The following SH3GL2 variants were observed in gnomAD, a reference collection of about 807,000 sequenced individuals.
The protein encoded by SH3GL2 is endophilin-A1.
In SH3GL2, 24 loss-of-function variants were observed where a neutral mutation model predicts 46.0. That is an observed-to-expected ratio of 0.52 (90% confidence interval 0.38 to 0.73). The LOEUF (loss-of-function observed/expected upper bound fraction) is 0.73. Ranked by LOEUF, SH3GL2 falls within the 30% of genes least tolerant of loss-of-function variation. The pLI is 0.00. For missense variants in SH3GL2, 413 were observed against 424.2 expected (o/e 0.97, Z 0.23); for synonymous variants, 196 against 147.1 (o/e 1.33, Z -2.40).
intron 1 of SH3GL2, among the ~76,000 whole-genome samples, chr9:17,633,402 G>C (rs1220160531): frequency 6.6e-6 from 1 of 152,126 alleles, no homozygotes; most frequent in Non-Finnish European, 1.5e-5. Context: ...GTAAAAGCAT[G>C]GGTAACTGCT....
chr9:17,705,944 A>C (rs975042037), intron 1 of SH3GL2, among the ~76,000 whole-genome samples: 1 of 152,024 alleles, frequency 6.6e-6, no homozygotes, highest in Non-Finnish European at 1.5e-5. Context: ...CATAGTGCTA[A>C]AATAAAAATG....
At position 17,615,129 on chromosome 9, in the gene SH3GL2, C is replaced by CG. The variant is rs773200159; in HGVS notation, c.45+35844dup. ...GGTGTTAAGTTACTGGTAGGACCCA[C>CG]GGCTGTGTGTTTATTGCACAATTTG... On this transcript the variant is annotated intron_variant, in intron 1 of 8. Coordinates refer to ENST00000380607, the MANE Select transcript of SH3GL2 (RefSeq NM_003026.5). 7.8e-4 allele frequency among the ~76,000 whole-genome samples: 119 copies of CG among 152,252 alleles called. 1 individual carries two copies. Among genetic ancestry groups the CG allele is most frequent in the Non-Finnish European group, 1.3e-3 (88 of 68,012 alleles).
At chr9:17,657,478 G>A (rs1280058099) in intron 1 of SH3GL2, among the ~76,000 whole-genome samples, 1 of 152,084 alleles carries the variant, frequency 6.6e-6, no homozygotes, top group Non-Finnish European at 1.5e-5. Flanking sequence ...TGAGGTTGAC[G>A]GATTTTGGTG....
intron 1 of SH3GL2, among the ~76,000 whole-genome samples, chr9:17,618,581 CTTTA>C (rs1475340776): frequency 6.6e-6 from 1 of 152,088 alleles, no homozygotes; most frequent in Non-Finnish European, 1.5e-5. Context: ...TATTTATAGT[CTTTA>C]TTTACCTGGT....
chr9:17,735,491 C>T (rs1822306424), intron 1 of SH3GL2, among the ~76,000 whole-genome samples: 1 of 152,020 alleles, frequency 6.6e-6, no homozygotes, highest in Non-Finnish European at 1.5e-5. Context: ...CTTACTTGAA[C>T]TGTGGGGTCC....
intron 3 of SH3GL2, among the ~76,000 whole-genome samples, chr9:17,772,757 G>A (rs925619217): frequency 3.3e-5 from 5 of 152,184 alleles, no homozygotes; most frequent in Non-Finnish European, 5.9e-5. Context: ...ATAGACAACT[G>A]AGTTGCTTTC....
At chr9:17,785,346 C>CCT (rs1161711928) in intron 3 of SH3GL2, among the ~76,000 whole-genome samples, 1 of 152,168 alleles carries the variant, frequency 6.6e-6, no homozygotes, top group Non-Finnish European at 1.5e-5. Context: ...CCATAATTGT[C>CCT]GTGCTCATTG....
chr9:17,766,982 G>A (rs367782142), intron 3 of SH3GL2, among the ~76,000 whole-genome samples: 1 of 152,182 alleles, frequency 6.6e-6, no homozygotes, highest in Non-Finnish European at 1.5e-5. Flanking sequence ...CACTTGAATG[G>A]AATTGTAGAC....
chr9:17,791,401 G>A, intron 7 of SH3GL2, 67 bp downstream of exon 7: 2 of 1,100,402 alleles, frequency 1.8e-6, no homozygotes, highest in South Asian at 2.5e-5. Flanking sequence ...TAAAGAAATG[G>A]AAATCATAGA....
At chr9:17,720,615 G>A (rs981917015) in intron 1 of SH3GL2, among the ~76,000 whole-genome samples, 16 of 152,078 alleles carry the variant, frequency 1.1e-4, no homozygotes, top group African/African-American at 3.6e-4. Flanking sequence ...TTAGGTTACA[G>A]TTCACTACCT....
intron 2 of SH3GL2, among the ~76,000 whole-genome samples, chr9:17,757,527 C>G (rs11789626): frequency 0.05 from 7,653 of 152,248 alleles, 261 homozygotes; most frequent in Non-Finnish European, 0.069. Context: ...TTTAAACAGC[C>G]TTCCCTAATG....
chr9:17,609,539 G>T (rs1414093517), intron 1 of SH3GL2, among the ~76,000 whole-genome samples: 1 of 152,160 alleles, frequency 6.6e-6, no homozygotes, highest in African/African-American at 2.4e-5. Context: ...TAGCCAGTGA[G>T]AAAGTGAGCC....
At chr9:17,735,121 C>G (rs1396993149) in intron 1 of SH3GL2, among the ~76,000 whole-genome samples, 1 of 152,054 alleles carries the variant, frequency 6.6e-6, no homozygotes, top group South Asian at 2.1e-4. Flanking sequence ...TAAGTCTTTT[C>G]TTTCTAAATA....
chr9:17,782,938 T>C (rs562081860), intron 3 of SH3GL2, among the ~76,000 whole-genome samples: 1 of 152,196 alleles, frequency 6.6e-6, no homozygotes, highest in South Asian at 2.1e-4. Flanking sequence ...AACCTCACTT[T>C]GGACCAATTC....
intron 8 of SH3GL2, among the ~76,000 whole-genome samples, chr9:17,794,770 A>G (rs1182469790): frequency 2.6e-5 from 4 of 152,258 alleles, no homozygotes; most frequent in Admixed American, 6.5e-5. Flanking sequence ...GGTGGAGTAC[A>G]TTATTTTTGT....
rs533567998 is a variant in SH3GL2 at position 17,583,712 on chromosome 9, GTTTA to G, written c.45+4429_45+4432del. Among the ~76,000 whole-genome samples the G allele has an allele frequency of 1.4e-3, 208 of 152,166 alleles. 2 individuals carry two copies. Among genetic ancestry groups the G allele is most frequent in the Non-Finnish European group, 2.6e-3 (176 of 67,994 alleles). ...GGTTTTATGATACAGTCTGGTATAT[GTTTA>G]TTTGTCACACTCAGATTCCTTAACT... On this transcript the variant is annotated intron_variant, in intron 1 of 8. Transcript: ENST00000380607.
intron 2 of SH3GL2, among the ~76,000 whole-genome samples, chr9:17,758,216 C>A (rs1227519291): frequency 6.6e-6 from 1 of 152,052 alleles, no homozygotes. Flanking sequence ...CAGAATGCTC[C>A]CCTGGTCTCT....
chr9:17,725,248 C>T (rs1420064128), intron 1 of SH3GL2, among the ~76,000 whole-genome samples: 1 of 152,034 alleles, frequency 6.6e-6, no homozygotes, highest in African/African-American at 2.4e-5. Flanking sequence ...TTCCACATTC[C>T]ACTCGATTTA....
At chr9:17,747,236 T>C in intron 2 of SH3GL2, 102 bp downstream of exon 2, 1 of 660,626 alleles carries the variant, frequency 1.5e-6, no homozygotes, top group Non-Finnish European at 2.7e-6. Flanking sequence ...TCCACTGGTC[T>C]CTGAGAATAC....
Sources: allele counts gnomAD v4.1 joint callset (sites outside exome capture counted in the v4.1 genomes callset), GRCh38; gene constraint gnomAD v4.1.1; transcripts MANE v1.5; gene names NCBI Gene and HGNC (gene_info 2026-07-23, HGNC 2026-07-21).